The following TGM4 variants were observed in gnomAD, a reference collection of about 807,000 sequenced individuals.
TGM4 encodes transglutaminase 4.
A neutral mutation model predicts 76.3 loss-of-function variants in TGM4; 61 were observed. The ratio of observed to expected loss-of-function variants is 0.80; its 90% confidence interval spans 0.65 to 0.99. TGM4 has a LOEUF of 0.99. TGM4 is among the 50% of genes least tolerant of loss of function. The pLI is 0.00. For synonymous variants in TGM4, 337 were observed against 329.8 expected (o/e 1.02, Z -0.24); for missense variants, 794 against 843.2 (o/e 0.94, Z 0.72).
intron 3 of TGM4, 28 bp from the exon 4 acceptor site, chr3:44,890,575 T>C: frequency 6.2e-7 from 1 of 1,611,694 alleles, no homozygotes; most frequent in Non-Finnish European, 8.5e-7. Flanking sequence ...GAGGGGGAGA[T>C]GTCCACCTTA....
Position 44,890,705 on chromosome 3 carries a change from T to C in TGM4, c.403T>C (p.Tyr135His). ...CCTTAAGTCTGAAGAAAACATCCTA[T>C]ACCTTCTCTTCAACCCATGGTGTAA... The part of the protein sequence containing the change: ...HILKSEENIL[Y>H]LLFNPWCKED... Residue 135 changes from tyrosine (Y) to histidine (H), a missense_variant, in exon 4 of 14, where the codon TAC becomes CAC. By Grantham distance (83) the Tyr-to-His change is moderately conservative. Transcript: ENST00000296125. The C allele has an allele frequency of 6.2e-7, 1 of 1,614,182 alleles. No homozygotes were observed. Among genetic ancestry groups the C allele is most frequent in the African/African-American group, 1.3e-5 (1 of 75,058 alleles).
chr3:44,875,290 T>C (rs1030983850), intron 1 of TGM4, among the ~76,000 whole-genome samples: 1 of 152,242 alleles, frequency 6.6e-6, no homozygotes. Flanking sequence ...CTCCTTTGTC[T>C]GGAATAGTTC....
chr3:44,898,595 T>A (rs1300211704), intron 6 of TGM4, among the ~76,000 whole-genome samples: 2 of 152,298 alleles, frequency 1.3e-5, no homozygotes, highest in East Asian at 3.9e-4. Context: ...GCTCTTGCCA[T>A]CTGTGGGTGG....
intron 3 of TGM4, chr3:44,888,555 A>G (rs1699644381): frequency 6.6e-6 from 1 of 152,060 alleles, no homozygotes; most frequent in Non-Finnish European, 1.5e-5. Flanking sequence ...CTCAACCCCA[A>G]TTTTGCATCT....
intron 1 of TGM4, among the ~76,000 whole-genome samples, chr3:44,884,744 C>T (rs528564571): frequency 2.0e-5 from 3 of 152,310 alleles, no homozygotes; most frequent in African/African-American, 4.8e-5. Context: ...ACTTTGCACC[C>T]CACCCTTCTC....
chr3:44,880,388 C>T (rs1340009919), intron 1 of TGM4, among the ~76,000 whole-genome samples: 1 of 152,214 alleles, frequency 6.6e-6, no homozygotes. Flanking sequence ...ATGGGGGAAT[C>T]CCAGACCTCT....
At chr3:44,879,791 T>C (rs574013348) in intron 1 of TGM4, among the ~76,000 whole-genome samples, 199 of 150,850 alleles carry the variant, frequency 1.3e-3, no homozygotes, top group African/African-American at 4.6e-3. Flanking sequence ...TATTTTTTAA[T>C]ATTTTATTTT....
chr3:44,876,473 G>C (rs1222825604), intron 1 of TGM4: 1 of 152,246 alleles, frequency 6.6e-6, no homozygotes, highest in Non-Finnish European at 1.5e-5. Flanking sequence ...GGTGATATGT[G>C]TGGGATAAAG....
rs1408585388 is a variant in TGM4, at chr3:44,911,771, TAG to T, written c.1913+368_1913+369del. 2.2e-4 allele frequency among the ~76,000 whole-genome samples: 34 copies of T among 152,332 alleles called. 1 individual carries two copies. Among genetic ancestry groups the T allele is most frequent in the Admixed American group, 1.2e-3 (18 of 15,302 alleles). The stretch of plus-strand genomic sequence containing the variant: ...ATATTGGTATGGTGTCTTTACACAG[TAG>T]AGTGTTATGTGCTGTGAATTTTTTT... On this transcript the variant is annotated intron_variant, in intron 13 of 13. Transcript: ENST00000296125.
At chr3:44,913,399 C>T (rs1700033054) in intron 13 of TGM4, among the ~76,000 whole-genome samples, 185 bp from the exon 14 acceptor site, 1 of 152,224 alleles carries the variant, frequency 6.6e-6, no homozygotes, top group East Asian at 1.9e-4. Flanking sequence ...TCTTGCTTTA[C>T]ATCTGAGAAA....
intron 1 of TGM4, among the ~76,000 whole-genome samples, chr3:44,884,321 A>G (rs1414298000): frequency 1.3e-5 from 2 of 152,162 alleles, no homozygotes; most frequent in Non-Finnish European, 2.9e-5. Flanking sequence ...TTTGAATTTT[A>G]GATAAAGGGG....
intron 5 of TGM4, among the ~76,000 whole-genome samples, chr3:44,895,996 C>T (rs1296383154): frequency 6.6e-6 from 1 of 152,190 alleles, no homozygotes; most frequent in African/African-American, 2.4e-5. Flanking sequence ...GTGATAATGA[C>T]TTAACATTTT....
chr3:44,892,633 A>C (rs1176910115), intron 4 of TGM4, among the ~76,000 whole-genome samples: 1 of 152,078 alleles, frequency 6.6e-6, no homozygotes, highest in Non-Finnish European at 1.5e-5. Context: ...GGCCTCCCAA[A>C]GTGCTGGGAT....
chr3:44,882,169 C>T (rs1352567165), intron 1 of TGM4, among the ~76,000 whole-genome samples: 1 of 147,864 alleles, frequency 6.8e-6, no homozygotes, highest in African/African-American at 2.5e-5. Flanking sequence ...AACTCCTGGG[C>T]TCAAGTGATT....
chr3:44,883,904 G>A (rs1256584405), intron 1 of TGM4, among the ~76,000 whole-genome samples: 1 of 152,204 alleles, frequency 6.6e-6, no homozygotes, highest in African/African-American at 2.4e-5. Flanking sequence ...GCAGAGGATG[G>A]GTTTCCTCTG....
At chr3:44,880,060 A>G (rs1333478771) in intron 1 of TGM4, among the ~76,000 whole-genome samples, 1 of 152,108 alleles carries the variant, frequency 6.6e-6, no homozygotes, top group Non-Finnish European at 1.5e-5. Context: ...CAGCCTCCCA[A>G]AGTGTTGGGA....
Position 44,898,729 on chromosome 3 carries a change from C to T in TGM4, c.657+1913C>T, listed in dbSNP as rs373757062. ...TGGCTGTGAGCCTGTGTCTGTTGCACGTGGTATGCCTCATAAATGCTGGGG... is the reference window on the plus strand; with the variant it reads ...TGGCTGTGAGCCTGTGTCTGTTGCATGTGGTATGCCTCATAAATGCTGGGG... On this transcript the variant is annotated intron_variant, in intron 6 of 13. Coordinates refer to ENST00000296125, the MANE Select transcript of TGM4 (RefSeq NM_003241.4). Among the ~76,000 whole-genome samples, 8 of 152,258 alleles carry T rather than the reference C, an allele frequency of 5.3e-5. 1 individual carries two copies. The highest frequency in any genetic ancestry group is 7.2e-5 in the African/African-American group (3 of 41,546).
rs960808708 is a variant in TGM4 at position 44,910,486 on chromosome 3, CACAA to C, written c.1606+122_1606+125del. 3.1e-6 allele frequency: 4 copies of C among 1,304,658 alleles called. No homozygotes were observed. In the East Asian group the frequency reaches 1.0e-4, roughly 33 times the overall value. The allele number at this position is 1,304,658 out of a possible 1,614,324, so 80.8% of individuals were successfully genotyped here. ...TGATAAATTTTTGTGTGTGAGTTAA[CACAA>C]ACATTTATTGAGCACCTACCCCTTG... On this transcript the variant is annotated intron_variant, in intron 11 of 13. Transcript: ENST00000296125.
intron 4 of TGM4, among the ~76,000 whole-genome samples, chr3:44,891,501 C>T (rs1699696926): frequency 7.9e-6 from 1 of 126,956 alleles, no homozygotes; most frequent in African/African-American, 3.3e-5. Context: ...ATTTTCCCTC[C>T]CTCCCTCCTC....
Sources: gnomAD v4.1 joint callset for allele counts (sites outside exome capture counted in the v4.1 genomes callset) on GRCh38, gnomAD v4.1.1 for gene constraint, MANE v1.5 for transcripts, NCBI Gene and HGNC (gene_info 2026-07-23, HGNC 2026-07-21) for gene names.